SLC24A2: variants seen among roughly 807,000 people sequenced by gnomAD.
The protein encoded by SLC24A2 is sodium/potassium/calcium exchanger 2.
Under a neutral mutation model 62.0 loss-of-function variants are expected in SLC24A2, and 36 were observed. The ratio of observed to expected loss-of-function variants is 0.58; its 90% confidence interval spans 0.44 to 0.77. The LOEUF is 0.77. Among genes scored for constraint, SLC24A2 ranks in the 30% least tolerant of loss-of-function variants. The probability of loss-of-function intolerance (pLI) is 0.00; values close to 1 mark genes in which losing one functional copy is unlikely to be tolerated. For missense variants in SLC24A2, 846 were observed against 817.9 expected (o/e 1.03, Z -0.42); for synonymous variants, 358 against 294.0 (o/e 1.22, Z -2.23).
the SLC24A2 span, among the ~76,000 whole-genome samples, chr9:20,078,596 A>G: frequency 1.1e-4 from 17 of 152,158 alleles, no homozygotes. Flanking sequence ...GCAGGCCATG[A>G]CTGTGGAGAA....
the SLC24A2 span, among the ~76,000 whole-genome samples, chr9:19,972,355 G>A: frequency 6.6e-6 from 1 of 152,178 alleles, no homozygotes; most frequent in Non-Finnish European, 1.5e-5. Flanking sequence ...GTCTACAGGT[G>A]CTAATTCCTT....
At chr9:19,826,927 T>C in the SLC24A2 span, among the ~76,000 whole-genome samples, 1 of 152,080 alleles carries the variant, frequency 6.6e-6, no homozygotes, top group Non-Finnish European at 1.5e-5. Flanking sequence ...GAGCAGTTTG[T>C]TTCCCTCCTT....
chr9:20,114,719 C>G, the SLC24A2 span, among the ~76,000 whole-genome samples: 5 of 152,134 alleles, frequency 3.3e-5, no homozygotes, highest in African/African-American at 4.8e-5. Context: ...AGTGGGGTCA[C>G]GCCCTTCTCC....
chr9:20,256,004 G>T, the SLC24A2 span, among the ~76,000 whole-genome samples: 1 of 152,178 alleles, frequency 6.6e-6, no homozygotes, highest in Non-Finnish European at 1.5e-5. Flanking sequence ...CTGGCATCTG[G>T]TGAGGCCATT....
At chr9:20,118,565 A>C in the SLC24A2 span, among the ~76,000 whole-genome samples, 1 of 152,044 alleles carries the variant, frequency 6.6e-6, no homozygotes, top group Non-Finnish European at 1.5e-5. Context: ...TTTATTTTAC[A>C]GCCTATGTTT....
the SLC24A2 span, among the ~76,000 whole-genome samples, chr9:19,935,938 G>A: frequency 3.3e-5 from 5 of 152,162 alleles, no homozygotes; most frequent in South Asian, 2.1e-4. Context: ...AGGAAAGAAG[G>A]AAGATTTAAT....
At chr9:19,616,989 G>T (rs1817784768) in intron 4 of SLC24A2, among the ~76,000 whole-genome samples, 1 of 152,160 alleles carries the variant, frequency 6.6e-6, no homozygotes, top group South Asian at 2.1e-4. Flanking sequence ...AAGACAGAAA[G>T]GTCTGTGTGA....
At chr9:19,973,523 C>G in the SLC24A2 span, among the ~76,000 whole-genome samples, 1 of 152,322 alleles carries the variant, frequency 6.6e-6, no homozygotes, top group South Asian at 2.1e-4. Context: ...GAGCAAGACA[C>G]ACTTAGATTT....
the SLC24A2 span, among the ~76,000 whole-genome samples, chr9:19,968,936 T>C: frequency 6.6e-6 from 1 of 152,238 alleles, no homozygotes; most frequent in African/African-American, 2.4e-5. Context: ...AAGTAACATC[T>C]TAAAAGATGG....
rs532738322 is a variant in SLC24A2, at chr9:19,759,916, T to C, written c.930+26021A>G. Among the ~76,000 whole-genome samples the C allele has an allele frequency of 6.2e-4, 94 of 152,308 alleles. No homozygotes were observed. The Middle Eastern group carries it at 0.017, about 28-fold the overall frequency. ...TTTTGTTAAAAAATAATGTGGCCTT[T>C]TAAAATAAGATAGATTAATGTTTAT... On this transcript the variant is annotated intron_variant, in intron 2 of 10. Coordinates refer to ENST00000341998, the MANE Select transcript of SLC24A2 (RefSeq NM_020344.4).
chr9:20,164,079 C>A, the SLC24A2 span, among the ~76,000 whole-genome samples: 1 of 152,098 alleles, frequency 6.6e-6, no homozygotes, highest in Non-Finnish European at 1.5e-5. Context: ...TGGGCAAGGA[C>A]TTCATGTCTA....
chr9:20,258,837 CTATCTA>C, the SLC24A2 span, among the ~76,000 whole-genome samples: 1 of 141,918 alleles, frequency 7.0e-6, no homozygotes, highest in Non-Finnish European at 1.5e-5. Flanking sequence ...ATCTATCTGT[CTATCTA>C]TCTATCTATC....
the SLC24A2 span, among the ~76,000 whole-genome samples, chr9:20,159,400 AT>A: frequency 5.2e-5 from 7 of 133,362 alleles, no homozygotes; most frequent in African/African-American, 2.8e-4. Context: ...AACATCTAAG[AT>A]TTTTTTACCC....
At chr9:19,783,316 G>C (rs1375673502) in intron 2 of SLC24A2, among the ~76,000 whole-genome samples, 1 of 152,132 alleles carries the variant, frequency 6.6e-6, no homozygotes, top group Non-Finnish European at 1.5e-5. Context: ...TTGCAAACAG[G>C]ACAATGAAGT....
chr9:19,727,941 G>C (rs898647508), intron 2 of SLC24A2, among the ~76,000 whole-genome samples: 1 of 152,164 alleles, frequency 6.6e-6, no homozygotes, highest in African/African-American at 2.4e-5. Flanking sequence ...TAAAGTGAAA[G>C]AAAGCAGGTT....
the SLC24A2 span, among the ~76,000 whole-genome samples, chr9:20,127,645 A>G: frequency 6.6e-6 from 1 of 152,144 alleles, no homozygotes. Flanking sequence ...TTGAGGAAAG[A>G]CTTAAGTCAT....
the SLC24A2 span, among the ~76,000 whole-genome samples, chr9:20,259,924 G>A: frequency 6.6e-6 from 1 of 152,008 alleles, no homozygotes; most frequent in South Asian, 2.1e-4. Flanking sequence ...CCCCATTTCT[G>A]CCAAAAATAT....
chr9:20,232,250 A>C, the SLC24A2 span, among the ~76,000 whole-genome samples: 7 of 152,328 alleles, frequency 4.6e-5, no homozygotes, highest in African/African-American at 9.6e-5. Context: ...CTGGCCTCAT[A>C]AAATGAGTTA....
chr9:19,894,611 A>G, the SLC24A2 span, among the ~76,000 whole-genome samples: 341 of 151,882 alleles, frequency 2.2e-3, 1 homozygote, highest in African/African-American at 7.7e-3. Flanking sequence ...TCCTAATTCA[A>G]TTTTTTTTCT....
Sources: allele counts gnomAD v4.1 joint callset (sites outside exome capture counted in the v4.1 genomes callset), GRCh38; gene constraint gnomAD v4.1.1; transcripts MANE v1.5; gene names NCBI Gene and HGNC (gene_info 2026-07-23, HGNC 2026-07-21).